Variants in HECTD2 observed in about 807,000 individuals in gnomAD.
The protein encoded by HECTD2 is probable E3 ubiquitin-protein ligase HECTD2.
Under a neutral mutation model 103.2 loss-of-function variants are expected in HECTD2, and 35 were observed. The ratio of observed to expected loss-of-function variants is 0.34; its 90% CI spans 0.26 to 0.45. HECTD2 has a LOEUF of 0.45. Ranked by LOEUF, HECTD2 falls within the 20% of genes least tolerant of loss-of-function variation. The pLI, the probability that HECTD2 is intolerant of heterozygous loss-of-function variation, is 1.00. For missense variants in HECTD2, 596 were observed against 937.4 expected (o/e 0.64, Z 4.76); for synonymous variants, 281 against 329.9 (o/e 0.85, Z 1.61).
chr10:91,452,708 C>G (rs1844889435), intron 2 of HECTD2, among the ~76,000 whole-genome samples: 1 of 151,974 alleles, frequency 6.6e-6, no homozygotes, highest in South Asian at 2.1e-4. Context: ...AAGGCCTTCA[C>G]CAGATGCAGC....
chr10:91,466,357 A>C (rs1348064435), intron 5 of HECTD2, among the ~76,000 whole-genome samples: 1 of 152,158 alleles, frequency 6.6e-6, no homozygotes, highest in African/African-American at 2.4e-5. Flanking sequence ...TCTCTTCAAA[A>C]AAAAATCAGC....
chr10:91,416,848 C>T (rs1843147240), intron 1 of HECTD2, among the ~76,000 whole-genome samples: 2 of 152,110 alleles, frequency 1.3e-5, no homozygotes, highest in Non-Finnish European at 2.9e-5. Flanking sequence ...GAGTTATTAT[C>T]CTTCCCACCA....
upstream of HECTD2, among the ~76,000 whole-genome samples, chr10:91,409,628 ACCACGT>A (rs1842833314): frequency 6.6e-6 from 1 of 152,076 alleles, no homozygotes; most frequent in Admixed American, 6.5e-5. Context: ...GGGGGGGCCC[ACCACGT>A]CGCACTCCTC....
At chr10:91,500,385 G>A in intron 18 of HECTD2, 117 bp from the exon 19 acceptor site, 1 of 312,628 alleles carries the variant, frequency 3.2e-6, no homozygotes, top group Non-Finnish European at 6.4e-6. Flanking sequence ...CAACAAAAAT[G>A]GTTTGATTTA....
intron 5 of HECTD2, among the ~76,000 whole-genome samples, chr10:91,472,148 C>T (rs1322561989): frequency 2.6e-5 from 4 of 152,030 alleles, no homozygotes; most frequent in African/African-American, 7.2e-5. Context: ...GAGCCTAGAA[C>T]TGATGACACA....
At chr10:91,471,282 T>G (rs1019350916) in intron 5 of HECTD2, among the ~76,000 whole-genome samples, 4 of 152,144 alleles carry the variant, frequency 2.6e-5, no homozygotes, top group Non-Finnish European at 5.9e-5. Context: ...CCCTGCATGT[T>G]AAAAACCCTC....
chr10:91,452,486 G>T (rs899438495), intron 2 of HECTD2, among the ~76,000 whole-genome samples: 3 of 152,056 alleles, frequency 2.0e-5, no homozygotes, highest in African/African-American at 7.2e-5. Context: ...AGTGTTGAGA[G>T]GTCGGACCTT....
At chr10:91,490,982 G>A (rs1032028865) in intron 11 of HECTD2, among the ~76,000 whole-genome samples, 6 of 149,838 alleles carry the variant, frequency 4.0e-5, no homozygotes, top group Non-Finnish European at 5.9e-5. Context: ...ATTATTTTTG[G>A]TCCTCCACTT....
Position 91,478,237 on chromosome 10 carries a change from A to C in HECTD2, c.637A>C (p.Ile213Leu). ...DVQKTVLKGIINSLLREWKGP... is the reference protein window; with the variant it reads ...DVQKTVLKGILNSLLREWKGP... ...TCAGAAGACAGTATTAAAGGGAATCATTAACAGCCTGTTACGAGAATGGAA... is the reference window on the plus strand; with the variant it reads ...TCAGAAGACAGTATTAAAGGGAATCCTTAACAGCCTGTTACGAGAATGGAA... Residue 213 changes from isoleucine (I) to leucine (L), a missense_variant, in exon 6 of 21, where the codon ATT becomes CTT. Ile to Leu is a conservative substitution (Grantham distance 5, BLOSUM62 2). This residue lies in a region of HECTD2 where 303 missense variants were observed against 522.5 expected (regional missense o/e 0.58). Transcript: ENST00000298068. The C allele has an allele frequency of 6.2e-7, 1 of 1,609,926 alleles. No individual in the cohort carries two copies. The highest frequency in any genetic ancestry group is 8.5e-7 in the Non-Finnish European group (1 of 1,176,412).
intron 2 of HECTD2, among the ~76,000 whole-genome samples, chr10:91,449,954 C>T (rs1256084428): frequency 2.6e-5 from 4 of 152,022 alleles, no homozygotes; most frequent in African/African-American, 9.7e-5. Context: ...CCATACTGCC[C>T]AAAGTAATTT....
chr10:91,428,429 T>G (rs949675607), intron 2 of HECTD2, among the ~76,000 whole-genome samples: 1 of 151,916 alleles, frequency 6.6e-6, no homozygotes, highest in Non-Finnish European at 1.5e-5. Flanking sequence ...CATTGGTAGC[T>G]TGATGGTGAT....
Position 91,512,551 on chromosome 10 carries a change from A to G in HECTD2, c.*167A>G, listed in dbSNP as rs866693041. The G allele has an allele frequency of 1.1e-5, 7 of 619,774 alleles. No homozygotes were observed. The highest frequency in any genetic ancestry group is 1.8e-5 in the Non-Finnish European group (7 of 378,624). 38.4% of individuals were successfully genotyped at this position (619,774 alleles called of 1,614,324 possible). ...ATGAAGTATGTTCAGCAAAGGCATAATTTTCTAAAAACACACACAGAAATC... is the reference window on the plus strand; with the variant it reads ...ATGAAGTATGTTCAGCAAAGGCATAGTTTTCTAAAAACACACACAGAAATC... On this transcript the variant is annotated 3_prime_UTR_variant, in exon 21 of 21. Coordinates refer to ENST00000298068, the MANE Select transcript of HECTD2 (RefSeq NM_182765.6).
rs1043511026 is a variant in HECTD2 at position 91,487,834 on chromosome 10, T to G, written c.1191+56T>G. 7.2e-6 allele frequency: 7 copies of G among 978,258 alleles called. No individual in the cohort carries two copies. Among genetic ancestry groups the G allele is most frequent in the Non-Finnish European group, 1.1e-5 (7 of 657,896 alleles). The allele number at this position is 978,258 out of a possible 1,614,324, so 60.6% of individuals were successfully genotyped here. ...GACTATAATCAGTATAGTAAATAAT[T>G]TAATAAATAATTTAAATGTCTTGTG... On this transcript the variant is annotated intron_variant, in intron 11 of 20. Coordinates refer to ENST00000298068, the MANE Select transcript of HECTD2 (RefSeq NM_182765.6). This position sits in a 1 kb window ranked among gnomAD's most constrained non-coding sequence, Gnocchi z 4.1.
In HECTD2 at chr10:91,462,185, G is replaced by A; in HGVS notation, c.600+1G>A. 1 of 1,559,804 alleles carries A rather than the reference G, an allele frequency of 6.4e-7. No homozygotes were observed. Among genetic ancestry groups the A allele is most frequent in the Non-Finnish European group, 8.8e-7 (1 of 1,137,696 alleles). On this transcript the variant is annotated splice_donor_variant, in intron 5 of 20. Coordinates refer to ENST00000298068, the MANE Select transcript of HECTD2 (RefSeq NM_182765.6). LOFTEE classifies it high-confidence loss of function. ...TGTGTATGATACCTTACTTAATACTGTAAGTATTATGACATGCAAGTAATA... is the reference window on the plus strand; with the variant it reads ...TGTGTATGATACCTTACTTAATACTATAAGTATTATGACATGCAAGTAATA...
intron 1 of HECTD2, among the ~76,000 whole-genome samples, chr10:91,414,009 T>C (rs1354429124): frequency 6.6e-6 from 1 of 152,204 alleles, no homozygotes; most frequent in Non-Finnish European, 1.5e-5. Flanking sequence ...TATAAATTAG[T>C]TACTGATGTA....
Position 91,411,813 on chromosome 10 carries a change from G to A in HECTD2, c.138+1237G>A, listed in dbSNP as rs1589449931. ...CTTTGAAGGAATTTGTCACCCAGCT[G>A]CTTGGAGACCTGGTTCCTGCTGCTG... On this transcript the variant is annotated intron_variant, in intron 1 of 20. Coordinates refer to ENST00000298068, the MANE Select transcript of HECTD2 (RefSeq NM_182765.6). Among the ~76,000 whole-genome samples, 9 of 152,340 alleles carry A rather than the reference G, an allele frequency of 5.9e-5. 1 individual carries two copies. In the South Asian group the frequency reaches 1.9e-3, roughly 32 times the overall value.
At chr10:91,425,786 C>T (rs1843535219) in intron 2 of HECTD2, among the ~76,000 whole-genome samples, 1 of 150,842 alleles carries the variant, frequency 6.6e-6, no homozygotes, top group African/African-American at 2.4e-5. Flanking sequence ...AAAAATAAAC[C>T]TAAAAGGAAA....
chr10:91,499,258 T>C, intron 18 of HECTD2, 108 bp downstream of exon 18: 1 of 624,690 alleles, frequency 1.6e-6, no homozygotes, highest in Non-Finnish European at 2.7e-6. Context: ...ATAGAAAATA[T>C]TTTCTACTTT....
At chr10:91,450,618 T>G (rs1167881759) in intron 2 of HECTD2, among the ~76,000 whole-genome samples, 1 of 151,558 alleles carries the variant, frequency 6.6e-6, no homozygotes, top group Non-Finnish European at 1.5e-5. Flanking sequence ...ATGTTTGCAA[T>G]CTATCCATCT....
Sources: allele counts gnomAD v4.1 joint callset (sites outside exome capture counted in the v4.1 genomes callset), GRCh38; gene constraint gnomAD v4.1.1; regional missense constraint gnomAD v4.1.1; non-coding constraint Gnocchi (gnomAD v3.1); transcripts MANE v1.5; gene names NCBI Gene and HGNC (gene_info 2026-07-23, HGNC 2026-07-21).